The following CHST11 variants were observed in gnomAD, a reference collection of about 807,000 sequenced individuals.
CHST11 encodes the protein C4S-1.
A neutral mutation model predicts 30.4 loss-of-function variants in CHST11; 9 were observed. The observed-to-expected ratio is 0.30, with a 90% CI of 0.18 to 0.52. The LOEUF (loss-of-function observed/expected upper bound fraction) is 0.52. CHST11 is among the 20% of genes least tolerant of loss of function. The probability of loss-of-function intolerance (pLI) is 0.97; values close to 1 mark genes in which losing one functional copy is unlikely to be tolerated. For missense variants in CHST11, 348 were observed against 460.6 expected (o/e 0.76, Z 2.24); for synonymous variants, 152 against 187.8 (o/e 0.81, Z 1.56).
intron 2 of CHST11, among the ~76,000 whole-genome samples, chr12:104,716,107 T>C (rs2040129008): frequency 6.6e-6 from 1 of 152,192 alleles, no homozygotes; most frequent in South Asian, 2.1e-4. Context: ...GTGCTGTGTC[T>C]GCACACGGGG....
chr12:104,535,781 T>G (rs1454671683), intron 1 of CHST11, among the ~76,000 whole-genome samples: 2 of 152,226 alleles, frequency 1.3e-5, no homozygotes, highest in African/African-American at 4.8e-5. Context: ...CTAAACAGTA[T>G]CATGTATTCA....
At chr12:104,507,050 G>C (rs1592736374) in intron 1 of CHST11, among the ~76,000 whole-genome samples, 2 of 152,156 alleles carry the variant, frequency 1.3e-5, no homozygotes, top group Non-Finnish European at 1.5e-5. Flanking sequence ...GCTGGGGAGA[G>C]AGCCCCTGCT....
chr12:104,717,297 G>A (rs1281434545), intron 2 of CHST11, among the ~76,000 whole-genome samples: 1 of 152,180 alleles, frequency 6.6e-6, no homozygotes, highest in Non-Finnish European at 1.5e-5. Flanking sequence ...AGATGGGAAA[G>A]TGAATGAAGG....
chr12:104,705,875 G>T (rs376855036), intron 2 of CHST11, among the ~76,000 whole-genome samples: 7 of 151,730 alleles, frequency 4.6e-5, no homozygotes, highest in African/African-American at 1.7e-4. Flanking sequence ...AGCCAAGATC[G>T]CACCACTGCC....
intron 2 of CHST11, among the ~76,000 whole-genome samples, chr12:104,618,397 T>C (rs1274137446): frequency 1.3e-5 from 2 of 151,738 alleles, no homozygotes; most frequent in Non-Finnish European, 2.9e-5. Context: ...TTAATTGTTG[T>C]TGTTGTTTTC....
chr12:104,648,290 T>TG (rs1191722676), intron 2 of CHST11, among the ~76,000 whole-genome samples: 1 of 152,188 alleles, frequency 6.6e-6, no homozygotes, highest in African/African-American at 2.4e-5. Context: ...AAGTGCCTGA[T>TG]CTACATTTGA....
intron 1 of CHST11, among the ~76,000 whole-genome samples, chr12:104,522,038 G>A (rs977342671): frequency 6.6e-6 from 1 of 152,124 alleles, no homozygotes; most frequent in South Asian, 2.1e-4. Flanking sequence ...TGGGATGTCT[G>A]TTTCCACTAG....
chr12:104,741,209 G>C (rs1189744814), intron 2 of CHST11, among the ~76,000 whole-genome samples: 1 of 152,212 alleles, frequency 6.6e-6, no homozygotes, highest in Non-Finnish European at 1.5e-5. Flanking sequence ...TGAAGGTAAA[G>C]GTGGTGGAAA....
At chr12:104,559,012 C>T (rs1000731752) in intron 1 of CHST11, among the ~76,000 whole-genome samples, 5 of 151,826 alleles carry the variant, frequency 3.3e-5, no homozygotes, top group East Asian at 3.9e-4. Context: ...TGCTTCTGGA[C>T]GGTAGGCTTC....
chr12:104,666,725 A>G (rs1017398223), intron 2 of CHST11, among the ~76,000 whole-genome samples: 5 of 152,208 alleles, frequency 3.3e-5, no homozygotes, highest in African/African-American at 1.2e-4. Flanking sequence ...AGGAAAGGGA[A>G]GGGAGAGAAG....
At position 104,756,892 on chromosome 12, in the gene CHST11, A is replaced by G. The variant is rs1029736808; in HGVS notation, c.205-57A>G. ...TGGATTTATGATCTACTTGTAGCCA[A>G]GTGGAAATGTTTCAGGCAAGTACTG... On this transcript the variant is annotated intron_variant, in intron 2 of 2. Transcript: ENST00000303694. 47 of 1,553,728 alleles carry G rather than the reference A, an allele frequency of 3.0e-5. No individual in the cohort carries two copies. In the African/African-American group the frequency reaches 5.4e-4, roughly 18 times the overall value.
intron 1 of CHST11, among the ~76,000 whole-genome samples, chr12:104,506,879 G>C (rs1487102166): frequency 6.6e-6 from 1 of 152,194 alleles, no homozygotes; most frequent in Non-Finnish European, 1.5e-5. Context: ...TGTCAGAACA[G>C]TCGACCTCTA....
chr12:104,687,754 C>G (rs1448520095), intron 2 of CHST11, among the ~76,000 whole-genome samples: 1 of 152,254 alleles, frequency 6.6e-6, no homozygotes, highest in African/African-American at 2.4e-5. Flanking sequence ...CTAGAATGAT[C>G]CTGTTTCAAA....
At chr12:104,741,294 A>G (rs544139764) in intron 2 of CHST11, among the ~76,000 whole-genome samples, 1 of 152,284 alleles carries the variant, frequency 6.6e-6, no homozygotes, top group East Asian at 1.9e-4. Context: ...AGGCAGGGGT[A>G]GGAGGAGGGC....
chr12:104,674,204 A>C (rs2039720551), intron 2 of CHST11, among the ~76,000 whole-genome samples: 1 of 151,906 alleles, frequency 6.6e-6, no homozygotes, highest in Non-Finnish European at 1.5e-5. Flanking sequence ...TTCCAGGTAG[A>C]TTCTAACTTT....
At chr12:104,547,356 G>A (rs773384491) in intron 1 of CHST11, among the ~76,000 whole-genome samples, 9 of 152,202 alleles carry the variant, frequency 5.9e-5, no homozygotes, top group Non-Finnish European at 1.2e-4. Context: ...AGGCCTGCTG[G>A]CGCCAGGAGC....
chr12:104,750,558 C>T (rs2040422982), intron 2 of CHST11, among the ~76,000 whole-genome samples: 1 of 149,066 alleles, frequency 6.7e-6, no homozygotes, highest in South Asian at 2.1e-4. Context: ...TTTCCCCTGC[C>T]TCAGCCTCCC....
intron 1 of CHST11, among the ~76,000 whole-genome samples, chr12:104,550,846 AGGGTG>A (rs1317138768): frequency 6.6e-6 from 1 of 152,236 alleles, no homozygotes; most frequent in Non-Finnish European, 1.5e-5. Context: ...TATATATACT[AGGGTG>A]GTGCAGGCTT....
intron 2 of CHST11, among the ~76,000 whole-genome samples, chr12:104,687,493 AT>A (rs1254082469): frequency 1.3e-5 from 2 of 152,190 alleles, no homozygotes; most frequent in African/African-American, 2.4e-5. Flanking sequence ...AGTAGCCCTT[AT>A]TTTACAGATG....
Sources: allele counts gnomAD v4.1 joint callset (sites outside exome capture counted in the v4.1 genomes callset), GRCh38; gene constraint gnomAD v4.1.1; transcripts MANE v1.5; gene names NCBI Gene and HGNC (gene_info 2026-07-23, HGNC 2026-07-21).